TSPEAR: variants seen among roughly 807,000 people sequenced by gnomAD.
The protein encoded by TSPEAR is thrombospondin-type laminin G domain and EAR repeat-containing protein.
In TSPEAR, 69 loss-of-function variants were observed where a neutral mutation model predicts 71.6. The ratio of observed to expected loss-of-function variants is 0.96; its 90% CI spans 0.79 to 1.18. The LOEUF is 1.18. Ranked by LOEUF, TSPEAR falls within the 50% of genes most tolerant of loss-of-function variation. The probability of loss-of-function intolerance (pLI) is 0.00; values close to 1 mark genes in which losing one functional copy is unlikely to be tolerated. For missense variants in TSPEAR, 971 were observed against 894.9 expected (o/e 1.09, Z -1.09); for synonymous variants, 402 against 387.2 (o/e 1.04, Z -0.45).
chr21:44,558,697 A>G lies in TSPEAR; in HGVS notation c.303+9088T>C, dbSNP rs373513174. The G allele has an allele frequency of 5.7e-5, 92 of 1,606,750 alleles. No individual in the cohort carries two copies. The highest frequency in any genetic ancestry group is 7.7e-5 in the Non-Finnish European group (91 of 1,176,272). ...TCAGAGTAAGCGCTGGAGCAGACGG[A>G]CATGGTAGACGTGGCCATGCTGGGG... On this transcript the variant is annotated intron_variant, in intron 2 of 11. Transcript: ENST00000323084.
intron 8 of TSPEAR, among the ~76,000 whole-genome samples, chr21:44,523,173 G>A (rs1295078965): frequency 6.7e-6 from 1 of 148,488 alleles, no homozygotes; most frequent in Non-Finnish European, 1.5e-5. Flanking sequence ...CAGTCAGTCA[G>A]CCAGCCAGCC....
chr21:44,637,770 C>G lies in TSPEAR; in HGVS notation c.83-69765G>C. On this transcript the variant is annotated intron_variant, in intron 1 of 11. Coordinates refer to ENST00000323084, the MANE Select transcript of TSPEAR (RefSeq NM_144991.3). ...AACAAGCCTGTGTGCTTCGTGCCTA[C>G]CTGCTCCGAGTCTTCCCCTTCATGC... The G allele has an allele frequency of 2.2e-6, 3 of 1,359,850 alleles. No homozygotes were observed. The highest frequency in any genetic ancestry group is 3.0e-6 in the Non-Finnish European group (3 of 992,080). 84.2% of individuals were successfully genotyped at this position (1,359,850 alleles called of 1,614,324 possible).
chr21:44,624,581 G>C (rs1316611456), intron 1 of TSPEAR, among the ~76,000 whole-genome samples: 2 of 152,204 alleles, frequency 1.3e-5, no homozygotes, highest in Non-Finnish European at 2.9e-5. Context: ...TTCAATACGA[G>C]CTGATTTAAA....
chr21:44,659,353 C>T (rs587705813), intron 1 of TSPEAR, among the ~76,000 whole-genome samples: 24 of 129,168 alleles, frequency 1.9e-4, no homozygotes, highest in Admixed American at 1.5e-3. Context: ...CACTGATACA[C>T]CCTAAGCACA....
At chr21:44,530,069 T>A (rs587760388) in intron 4 of TSPEAR, 115 bp from the exon 5 acceptor site, 7 of 1,119,690 alleles carry the variant, frequency 6.3e-6, no homozygotes, top group Non-Finnish European at 7.4e-6. Flanking sequence ...GTGGATGGAA[T>A]CTAAGCTTTT....
rs1982292161 is a variant in TSPEAR at position 44,619,160 on chromosome 21, G to T, written c.83-51155C>A. Among the ~76,000 whole-genome samples the T allele has an allele frequency of 1.3e-5, 2 of 152,324 alleles. 1 individual carries two copies. The highest frequency in any genetic ancestry group is 4.1e-4 in the South Asian group (2 of 4,828). ...CAAACTCCCCAGCCGAGTGCTGAAG[G>T]CGTGGACCAACATACAGAGCCCAGC... On this transcript the variant is annotated intron_variant, in intron 1 of 11. Transcript: ENST00000323084.
intron 1 of TSPEAR, among the ~76,000 whole-genome samples, chr21:44,586,600 C>A (rs1282914627): frequency 6.6e-6 from 1 of 152,092 alleles, no homozygotes; most frequent in Non-Finnish European, 1.5e-5. Flanking sequence ...CCAAAAAAAT[C>A]ACACCAATCA....
At position 44,612,155 on chromosome 21, in the gene TSPEAR, G is replaced by T; in HGVS notation, c.83-44150C>A. 1.9e-6 allele frequency: 3 copies of T among 1,614,066 alleles called. No individual in the cohort carries two copies. In the South Asian group the frequency reaches 3.3e-5, roughly 18 times the overall value. On this transcript the variant is annotated intron_variant, in intron 1 of 11. Coordinates refer to ENST00000323084, the MANE Select transcript of TSPEAR (RefSeq NM_144991.3). This position sits in a 1 kb window ranked among gnomAD's most constrained non-coding sequence, Gnocchi z 4.1. The stretch of plus-strand genomic sequence containing the variant: ...TGTGATTGCTGCATCCACCATGTCT[G>T]TCTGCTCCAGTGACGTGGGCCATGT...
At chr21:44,528,224 G>C (rs1487337134) in intron 6 of TSPEAR, among the ~76,000 whole-genome samples, 1 of 152,184 alleles carries the variant, frequency 6.6e-6, no homozygotes, top group African/African-American at 2.4e-5. Context: ...CCTGAGGAGG[G>C]CCTGTGGCTG....
intron 1 of TSPEAR, among the ~76,000 whole-genome samples, chr21:44,568,745 C>G (rs1260905737): frequency 6.6e-6 from 1 of 152,138 alleles, no homozygotes; most frequent in African/African-American, 2.4e-5. Context: ...CTCCTCAGCT[C>G]GGCCACTGCA....
At chr21:44,673,213 GA>G (rs1377058033) in intron 1 of TSPEAR, among the ~76,000 whole-genome samples, 5 of 152,182 alleles carry the variant, frequency 3.3e-5, no homozygotes, top group African/African-American at 1.2e-4. Context: ...TTTCTCAGCA[GA>G]AACCTTACAG....
chr21:44,650,446 C>CGATGGCGGCAGAGACTGGGGCCACTTGAT (rs1569241017), intron 1 of TSPEAR, among the ~76,000 whole-genome samples: 1 of 152,200 alleles, frequency 6.6e-6, no homozygotes, highest in African/African-American at 2.4e-5. Flanking sequence ...GGCCACGTGA[C>CGATGGCGGCAGAGACTGGGGCCACTTGAT]GACGGGGGCA....
rs2145981739 is a variant in TSPEAR, at chr21:44,531,063, T to A, written c.613A>T (p.Arg205Ter). The change falls in exon 4 of 12, where the codon AGA becomes TGA. Residue 205 changes from arginine to a stop codon, truncating the protein, a stop_gained. Transcript: ENST00000323084. LOFTEE classifies it high-confidence loss of function. The part of the protein sequence containing the change: ...GARFFVGSRR[R>*]AKGLFMGLVR... ...CTCGCCATGAACAGGCCTTTGGCTC[T>A]CCTCCGGCTGCCGACGAAGAATCGA... 6.2e-7 allele frequency: 1 copy of A among 1,613,606 alleles called. No individual in the cohort carries two copies. The highest frequency in any genetic ancestry group is 1.1e-5 in the South Asian group (1 of 91,066).
chr21:44,567,749 G>C (rs760213094), intron 2 of TSPEAR, 36 bp downstream of exon 2: 195 of 1,502,584 alleles, frequency 1.3e-4, no homozygotes, highest in Non-Finnish European at 1.7e-4. Context: ...GGAAAATTAC[G>C]CTATTATAAC....
In TSPEAR at chr21:44,506,996, C is replaced by T. The variant is rs2052218068; in HGVS notation, c.1755-2115G>A. The T allele has an allele frequency of 6.6e-6, 1 of 152,248 alleles. No individual in the cohort carries two copies. The highest frequency in any genetic ancestry group is 1.5e-5 in the Non-Finnish European group (1 of 68,060). The allele number at this position is 152,248 out of a possible 1,614,324, so 9.4% of individuals were successfully genotyped here. On this transcript the variant is annotated intron_variant, in intron 10 of 11. Coordinates refer to ENST00000323084, the MANE Select transcript of TSPEAR (RefSeq NM_144991.3). The surrounding 1 kb of genome is among the most constrained non-coding windows in gnomAD (Gnocchi z 4.2). ...CCTCTGGCAAATGCCCATCATCGGACAAATGGACGGATGAAGTGTGACTCA... is the reference window on the plus strand; with the variant it reads ...CCTCTGGCAAATGCCCATCATCGGATAAATGGACGGATGAAGTGTGACTCA...
chr21:44,659,442 G>A (rs34979768), intron 1 of TSPEAR, among the ~76,000 whole-genome samples: 116,091 of 150,938 alleles, frequency 0.77, 45,180 homozygotes, highest in African/African-American at 0.89. Context: ...ACCACGGTCA[G>A]TGTCTGACCA....
chr21:44,627,846 C>T (rs1358512513), intron 1 of TSPEAR: 3 of 1,613,942 alleles, frequency 1.9e-6, no homozygotes, highest in Admixed American at 1.7e-5. Context: ...CCTCCTGCTG[C>T]AGACCCTCCT....
rs1354349678 is a variant in TSPEAR, at chr21:44,601,356, T to A, written c.83-33351A>T. On this transcript the variant is annotated intron_variant, in intron 1 of 11. Coordinates refer to ENST00000323084, the MANE Select transcript of TSPEAR (RefSeq NM_144991.3). Reference sequence around the variant, plus strand: ...TCTGCTGTGTGCCCACCTGCTCTGATGATTCCGGTTCATGCTGCCAGCCAG... The same window carrying A: ...TCTGCTGTGTGCCCACCTGCTCTGAAGATTCCGGTTCATGCTGCCAGCCAG... 5 of 1,610,216 alleles carry A rather than the reference T, an allele frequency of 3.1e-6. No individual in the cohort carries two copies. In the East Asian group the frequency reaches 1.1e-4, roughly 36 times the overall value.
intron 1 of TSPEAR, among the ~76,000 whole-genome samples, chr21:44,609,471 A>G (rs1981521525): frequency 6.6e-6 from 1 of 152,246 alleles, no homozygotes; most frequent in African/African-American, 2.4e-5. Flanking sequence ...TAATGGATCC[A>G]ACATCAGAGA....
Sources: gnomAD v4.1 joint callset for allele counts (sites outside exome capture counted in the v4.1 genomes callset) on GRCh38, gnomAD v4.1.1 for gene constraint, Gnocchi (gnomAD v3.1) non-coding constraint, MANE v1.5 for transcripts, NCBI Gene and HGNC (gene_info 2026-07-23, HGNC 2026-07-21) for gene names.